Variants in CCDC192 observed in about 807,000 individuals in gnomAD.
CCDC192 encodes the protein coiled-coil domain containing 192.
chr5:127,830,066 C>T (rs1011316481), intron 5 of CCDC192, among the ~76,000 whole-genome samples: 1 of 151,974 alleles, frequency 6.6e-6, no homozygotes, highest in African/African-American at 2.4e-5. Context: ...GTTTTTAAAA[C>T]AGTCTACATT....
At chr5:127,882,114 T>C (rs1204272455) in intron 6 of CCDC192, among the ~76,000 whole-genome samples, 2 of 152,196 alleles carry the variant, frequency 1.3e-5, no homozygotes, top group Non-Finnish European at 2.9e-5. Flanking sequence ...TGCTGGTACA[T>C]TCCAGGGTAG....
intron 3 of CCDC192, chr5:127,786,610 G>A (rs148748088): frequency 2.3e-4 from 170 of 744,904 alleles, no homozygotes; most frequent in Non-Finnish European, 3.3e-4. Flanking sequence ...TCACATTCAC[G>A]GTGAACCCAG....
At chr5:127,801,705 C>A (rs748943845) in intron 5 of CCDC192, among the ~76,000 whole-genome samples, 1 of 152,186 alleles carries the variant, frequency 6.6e-6, no homozygotes, top group African/African-American at 2.4e-5. Context: ...TGGGTCCCCA[C>A]AGCCTCCTTT....
At chr5:127,847,821 T>TTAAATAAA (rs67683440) in intron 5 of CCDC192, among the ~76,000 whole-genome samples, 42,676 of 142,584 alleles carry the variant, frequency 0.3, 6,991 homozygotes, top group African/African-American at 0.43. Context: ...AGACTCCATC[T>TTAAATAAA]TAAATAAATA....
intron 3 of CCDC192, among the ~76,000 whole-genome samples, chr5:127,780,482 CT>C (rs1756147665): frequency 6.6e-6 from 1 of 152,126 alleles, no homozygotes; most frequent in Non-Finnish European, 1.5e-5. Flanking sequence ...ATGCCAACAT[CT>C]ACTGTTTTTT....
At chr5:127,864,458 C>T (rs1053289606) in intron 5 of CCDC192, among the ~76,000 whole-genome samples, 4 of 152,138 alleles carry the variant, frequency 2.6e-5, no homozygotes, top group South Asian at 4.1e-4. Flanking sequence ...ACTTAAAGAT[C>T]CTTGCTTGGG....
At chr5:127,788,257 C>T (rs1289117033) in intron 3 of CCDC192, among the ~76,000 whole-genome samples, 1 of 152,114 alleles carries the variant, frequency 6.6e-6, no homozygotes, top group Non-Finnish European at 1.5e-5. Context: ...CCACTTTTAT[C>T]AATATGCAAT....
intron 3 of CCDC192, among the ~76,000 whole-genome samples, chr5:127,769,964 A>AAG (rs1755454325): frequency 6.6e-6 from 1 of 152,058 alleles, no homozygotes; most frequent in Non-Finnish European, 1.5e-5. Context: ...GGGAGGGAGG[A>AAG]AGAGAGAGAG....
chr5:127,731,619 T>C (rs1192070193), intron 2 of CCDC192, among the ~76,000 whole-genome samples: 2 of 152,154 alleles, frequency 1.3e-5, no homozygotes, highest in African/African-American at 4.8e-5. Context: ...TAAACTATAC[T>C]ACAAGGCTAC....
At chr5:127,762,580 A>G (rs188382018) in intron 3 of CCDC192, among the ~76,000 whole-genome samples, 21 of 152,330 alleles carry the variant, frequency 1.4e-4, no homozygotes, top group Non-Finnish European at 1.3e-4. Context: ...TTGTTGTTGC[A>G]GGCGGGATGT....
At chr5:127,797,009 T>C in intron 3 of CCDC192, 94 bp from the exon 4 acceptor site, 1 of 383,460 alleles carries the variant, frequency 2.6e-6, no homozygotes, top group Non-Finnish European at 4.6e-6. Context: ...TAGTAGATAC[T>C]GGTGGAAGAT....
At chr5:127,936,966 G>T (rs1023016823) in intron 6 of CCDC192, among the ~76,000 whole-genome samples, 2 of 152,158 alleles carry the variant, frequency 1.3e-5, no homozygotes, top group Non-Finnish European at 2.9e-5. Flanking sequence ...ATGGTTAGTG[G>T]TAGATTCTAG....
At position 127,868,906 on chromosome 5, in the gene CCDC192, C is replaced by T. The variant is rs139249006; in HGVS notation, c.412-6632C>T. 3.5e-4 allele frequency among the ~76,000 whole-genome samples: 54 copies of T among 152,196 alleles called. No homozygotes were observed. The East Asian group carries it at 6.9e-3, about 20-fold the overall frequency. ...TAGAAGGCAAAATCTGGAGATAGACCGCAGAGATTTAAATTGTGACTCACC... is the reference window on the plus strand; with the variant it reads ...TAGAAGGCAAAATCTGGAGATAGACTGCAGAGATTTAAATTGTGACTCACC... On this transcript the variant is annotated intron_variant, in intron 5 of 6. Coordinates refer to ENST00000514853, the MANE Select transcript of CCDC192 (RefSeq NM_001317938.2).
chr5:127,763,592 G>C (rs1755050404), intron 3 of CCDC192, among the ~76,000 whole-genome samples: 1 of 152,098 alleles, frequency 6.6e-6, no homozygotes, highest in Non-Finnish European at 1.5e-5. Context: ...CACTGTCAGG[G>C]TCAAATCTGT....
chr5:127,862,586 T>C (rs1751414186), intron 5 of CCDC192, among the ~76,000 whole-genome samples: 1 of 152,224 alleles, frequency 6.6e-6, no homozygotes, highest in South Asian at 2.1e-4. Flanking sequence ...CATGCGTATT[T>C]TTAAGAAACT....
rs546260488 is a variant in CCDC192, at chr5:127,725,641, C to A, written c.114+17881C>A. Among the ~76,000 whole-genome samples, 4 of 152,240 alleles carry A rather than the reference C, an allele frequency of 2.6e-5. No homozygotes were observed. In the South Asian group the frequency reaches 8.3e-4, roughly 32 times the overall value. On this transcript the variant is annotated intron_variant, in intron 2 of 6. Transcript: ENST00000514853. ...AACCATATTTTAAGTACCTGAATGTCACATGTAATTAGTGGCTACCCTATG... is the reference window on the plus strand; with the variant it reads ...AACCATATTTTAAGTACCTGAATGTAACATGTAATTAGTGGCTACCCTATG...
At chr5:127,816,420 C>T (rs1161730356) in intron 5 of CCDC192, among the ~76,000 whole-genome samples, 1 of 152,140 alleles carries the variant, frequency 6.6e-6, no homozygotes, top group Non-Finnish European at 1.5e-5. Context: ...CCTGTGATAT[C>T]AGTCATGTTC....
rs115598675 is a variant in CCDC192 at position 127,775,596 on chromosome 5, A to G, written c.222+21221A>G. 6.8e-3 allele frequency among the ~76,000 whole-genome samples: 1,042 copies of G among 152,302 alleles called. 13 individuals carry two copies. Among genetic ancestry groups the G allele is most frequent in the African/African-American group, 0.024 (997 of 41,542 alleles). On this transcript the variant is annotated intron_variant, in intron 3 of 6. Transcript: ENST00000514853. Reference sequence around the variant, plus strand: ...TTCTTAGCGTCATCACACCTGAATAATAATAAAGCCTACACTTTAAAACAC... The same window carrying G: ...TTCTTAGCGTCATCACACCTGAATAGTAATAAAGCCTACACTTTAAAACAC...
At chr5:127,876,621 C>T (rs1752090333) in intron 6 of CCDC192, among the ~76,000 whole-genome samples, 1 of 152,178 alleles carries the variant, frequency 6.6e-6, no homozygotes, top group South Asian at 2.1e-4. Context: ...AAAATGTCTT[C>T]CTTTGATGTG....
Sources: gnomAD v4.1 joint callset for allele counts (sites outside exome capture counted in the v4.1 genomes callset) on GRCh38, gnomAD v4.1.1 for gene constraint, MANE v1.5 for transcripts, NCBI Gene and HGNC (gene_info 2026-07-23, HGNC 2026-07-21) for gene names.